Variants in NSUN3 observed in about 807,000 individuals in gnomAD.
NSUN3 encodes the protein tRNA (cytosine(34)-C(5))-methyltransferase, mitochondrial.
Under a neutral mutation model 36.8 loss-of-function variants are expected in NSUN3, and 24 were observed. That is an observed-to-expected ratio of 0.65 (90% CI 0.47 to 0.92). NSUN3 has a LOEUF of 0.92. Among genes scored for constraint, NSUN3 ranks in the 40% least tolerant of loss-of-function variants. NSUN3 has a pLI of 0.00. For synonymous variants in NSUN3, 146 were observed against 145.2 expected (o/e 1.01, Z -0.04); for missense variants, 381 against 392.8 (o/e 0.97, Z 0.25).
intron 5 of NSUN3, among the ~76,000 whole-genome samples, chr3:94,104,560 TAGAC>T (rs2077378288): frequency 1.3e-5 from 2 of 152,128 alleles, no homozygotes; most frequent in African/African-American, 4.8e-5. Flanking sequence ...AACCAGCTAT[TAGAC>T]AGAAAATAAA....
At position 94,085,883 on chromosome 3, in the gene NSUN3, C is replaced by A. The variant is rs190946258; in HGVS notation, c.466+1433C>A. ...CTATTAGGTAAGCACTCTTTAAGTC[C>A]ATTTTTAATTTTGTTGAAAGCAAAT... On this transcript the variant is annotated intron_variant, in intron 3 of 5. Transcript: ENST00000314622. Among the ~76,000 whole-genome samples, 212 of 151,896 alleles carry A rather than the reference C, an allele frequency of 1.4e-3. 1 individual carries two copies. The highest frequency in any genetic ancestry group is 2.0e-3 in the Non-Finnish European group (137 of 67,990).
chr3:94,120,275 T>C (rs924779428), intron 5 of NSUN3, among the ~76,000 whole-genome samples: 5 of 152,252 alleles, frequency 3.3e-5, no homozygotes, highest in Admixed American at 6.5e-5. Flanking sequence ...TGTTTAAAAA[T>C]ACATAACATA....
chr3:94,111,637 A>G (rs2077418173), intron 5 of NSUN3, among the ~76,000 whole-genome samples: 1 of 152,040 alleles, frequency 6.6e-6, no homozygotes, highest in Admixed American at 6.6e-5. Context: ...ATGCAAACAC[A>G]TACTTTAGCC....
In NSUN3 at chr3:94,075,946, G is replaced by T. The variant is rs1442314234; in HGVS notation, c.123-8161G>T. The T allele has an allele frequency of 1.5e-5, 22 of 1,512,680 alleles. No individual in the cohort carries two copies. The East Asian group carries it at 1.8e-4, about 12-fold the overall frequency. 93.7% of individuals were successfully genotyped at this position (1,512,680 alleles called of 1,614,324 possible). A position where few individuals can be genotyped will look rare whatever the true frequency, so the allele number is the denominator to read the frequency against. On this transcript the variant is annotated intron_variant, in intron 2 of 5. Transcript: ENST00000314622. ...CCTTCTGGATCCATATTCCTTCAGG[G>T]TCTTCATCATTATAAATGTTCTCTG...
At chr3:94,083,970 G>A in intron 2 of NSUN3, 137 bp from the exon 3 acceptor site, 1 of 648,922 alleles carries the variant, frequency 1.5e-6, no homozygotes, top group East Asian at 2.7e-5. Context: ...GAAGAGTCAG[G>A]AATACTGATC....
intron 5 of NSUN3, among the ~76,000 whole-genome samples, chr3:94,102,092 A>G (rs2077368145): frequency 6.6e-6 from 1 of 151,872 alleles, no homozygotes; most frequent in Non-Finnish European, 1.5e-5. Context: ...TCATTGAAAA[A>G]GGAAGCTTAG....
At chr3:94,124,337 T>TGG in intron 5 of NSUN3, among the ~76,000 whole-genome samples, 1 of 151,464 alleles carries the variant, frequency 6.6e-6, no homozygotes, top group South Asian at 2.1e-4. Flanking sequence ...ATGTGGTCCA[T>TGG]GCTGGTCTCG....
intron 5 of NSUN3, among the ~76,000 whole-genome samples, chr3:94,103,265 G>T (rs2077373147): frequency 6.6e-6 from 1 of 152,048 alleles, no homozygotes; most frequent in South Asian, 2.1e-4. Context: ...TGTTCTCAAG[G>T]TCCTCAGGCC....
At chr3:94,079,540 C>T (rs759213883) in intron 2 of NSUN3, among the ~76,000 whole-genome samples, 2 of 152,156 alleles carry the variant, frequency 1.3e-5, no homozygotes, top group Non-Finnish European at 2.9e-5. Context: ...TTGTTTCATT[C>T]TCCCTGTCAC....
chr3:94,123,011 A>G (rs968603553), intron 5 of NSUN3, among the ~76,000 whole-genome samples: 2 of 152,252 alleles, frequency 1.3e-5, no homozygotes, highest in African/African-American at 4.8e-5. Context: ...TCTCATGAGC[A>G]GAATACCACT....
chr3:94,066,427 C>T (rs1291734679), intron 2 of NSUN3, among the ~76,000 whole-genome samples: 3 of 152,194 alleles, frequency 2.0e-5, no homozygotes, highest in Non-Finnish European at 4.4e-5. Flanking sequence ...ACATAATGTA[C>T]TTGTAGAGTC....
chr3:94,110,764 ACACG>A (rs1264910574), intron 5 of NSUN3, among the ~76,000 whole-genome samples: 9 of 151,772 alleles, frequency 5.9e-5, no homozygotes, highest in African/African-American at 9.7e-5. Flanking sequence ...ACACACACAC[ACACG>A]CATATATATA....
intron 2 of NSUN3, chr3:94,076,720 G>T: frequency 7.4e-7 from 1 of 1,356,570 alleles, no homozygotes; most frequent in African/African-American, 1.4e-5. Context: ...TATAGTCCAA[G>T]ATAAGAACAT....
intron 5 of NSUN3, among the ~76,000 whole-genome samples, chr3:94,108,703 G>A (rs548495634): frequency 6.6e-6 from 1 of 152,018 alleles, no homozygotes; most frequent in East Asian, 1.9e-4. Context: ...CTGTTGCCCA[G>A]GCTGGAGTGC....
chr3:94,102,602 G>GTT (rs1396492330), intron 5 of NSUN3, among the ~76,000 whole-genome samples: 1 of 151,636 alleles, frequency 6.6e-6, no homozygotes, highest in Admixed American at 6.6e-5. Flanking sequence ...TTTTCTTTAA[G>GTT]TTTAGGTGGC....
intron 3 of NSUN3, chr3:94,084,662 G>T (rs2077284823): frequency 1.1e-5 from 5 of 458,778 alleles, no homozygotes; most frequent in Non-Finnish European, 1.5e-5. Flanking sequence ...CAGGTGATTG[G>T]GAACAAAACT....
intron 3 of NSUN3, among the ~76,000 whole-genome samples, chr3:94,093,087 G>A (rs920169572): frequency 2.6e-5 from 4 of 152,026 alleles, no homozygotes; most frequent in Non-Finnish European, 5.9e-5. Flanking sequence ...GAGTATACTG[G>A]GGAAATAGTG....
chr3:94,070,813 C>T (rs2107236205), intron 2 of NSUN3, among the ~76,000 whole-genome samples: 1 of 152,292 alleles, frequency 6.6e-6, no homozygotes, highest in East Asian at 1.9e-4. Context: ...AAATGACTAA[C>T]AGATTCTCTG....
chr3:94,113,734 A>G (rs2077428063), intron 5 of NSUN3, among the ~76,000 whole-genome samples: 2 of 152,180 alleles, frequency 1.3e-5, no homozygotes, highest in Non-Finnish European at 2.9e-5. Context: ...TCTGAGGAAA[A>G]CAGTATTTTT....
Sources: allele counts gnomAD v4.1 joint callset (sites outside exome capture counted in the v4.1 genomes callset), GRCh38; gene constraint gnomAD v4.1.1; transcripts MANE v1.5; gene names NCBI Gene and HGNC (gene_info 2026-07-23, HGNC 2026-07-21).